The following XKR9 variants were observed in gnomAD, a reference collection of about 807,000 sequenced individuals.
The protein encoded by XKR9 is XK related 9.
XKR9 carries 32 observed loss-of-function variants against 32.0 expected under a neutral mutation model. The observed-to-expected ratio is 1.00, with a 90% CI of 0.76 to 1.34. The LOEUF (loss-of-function observed/expected upper bound fraction) is 1.34. Ranked by LOEUF, XKR9 falls within the 40% of genes most tolerant of loss-of-function variation. XKR9 has a pLI of 0.00. For synonymous variants in XKR9, 168 were observed against 143.4 expected, an observed-to-expected ratio of 1.17 and a Z score of -1.22; for missense variants, 546 against 429.7, an observed-to-expected ratio of 1.27 and a Z score of -2.39.
At chr8:71,054,564 A>G in the XKR9 span, among the ~76,000 whole-genome samples, 1 of 152,172 alleles carries the variant, frequency 6.6e-6, no homozygotes. Flanking sequence ...AAGCTTGTCA[A>G]TGCCCCCAGA....
At chr8:70,861,336 A>G in the XKR9 span, among the ~76,000 whole-genome samples, 8 of 152,210 alleles carry the variant, frequency 5.3e-5, no homozygotes, top group East Asian at 1.5e-3. Flanking sequence ...AATGGAGATT[A>G]TAATAAAATC....
chr8:71,043,295 A>G, the XKR9 span, among the ~76,000 whole-genome samples: 4 of 152,232 alleles, frequency 2.6e-5, no homozygotes, highest in South Asian at 4.1e-4. Flanking sequence ...TCCAAGGTTT[A>G]TCAGTACCAG....
At chr8:70,683,134 T>G (rs1479482155) in intron 3 of XKR9, among the ~76,000 whole-genome samples, 1 of 152,190 alleles carries the variant, frequency 6.6e-6, no homozygotes, top group Non-Finnish European at 1.5e-5. Flanking sequence ...TAGTTTCTCT[T>G]AATTGCTTTG....
chr8:70,979,685 G>T, the XKR9 span, among the ~76,000 whole-genome samples: 3 of 152,328 alleles, frequency 2.0e-5, no homozygotes, highest in South Asian at 6.2e-4. Context: ...CTACTGGGAG[G>T]TGTCTCCAAG....
At chr8:70,915,982 A>G in the XKR9 span, among the ~76,000 whole-genome samples, 1 of 152,180 alleles carries the variant, frequency 6.6e-6, no homozygotes, top group African/African-American at 2.4e-5. Flanking sequence ...TACCTGAGCT[A>G]TTTTCATTTG....
chr8:70,755,722 A>C (rs1807213074), intron 2 of XKR9, among the ~76,000 whole-genome samples: 2 of 136,004 alleles, frequency 1.5e-5, no homozygotes, highest in Admixed American at 1.5e-4. Flanking sequence ...GAACCCATGG[A>C]CACGGGAAGG....
chr8:71,051,545 G>A, the XKR9 span, among the ~76,000 whole-genome samples: 1 of 152,124 alleles, frequency 6.6e-6, no homozygotes. Flanking sequence ...GTGTGTGTGT[G>A]TGTGTGTGTA....
chr8:70,874,282 C>A, the XKR9 span, among the ~76,000 whole-genome samples: 5 of 151,928 alleles, frequency 3.3e-5, no homozygotes, highest in Admixed American at 2.0e-4. Context: ...CAGTAAATAA[C>A]GTATGAAGGT....
At chr8:70,718,841 G>T (rs765830908) in intron 4 of XKR9, among the ~76,000 whole-genome samples, 6 of 152,116 alleles carry the variant, frequency 3.9e-5, no homozygotes, top group Non-Finnish European at 5.9e-5. Flanking sequence ...ACCCAGTAAT[G>T]GGATTGCTGG....
At chr8:71,057,504 T>C in the XKR9 span, among the ~76,000 whole-genome samples, 1 of 152,222 alleles carries the variant, frequency 6.6e-6, no homozygotes, top group Non-Finnish European at 1.5e-5. Context: ...TACTTTGTTT[T>C]TTCAGGAAAA....
chr8:70,700,715 C>A (rs1386249916), intron 3 of XKR9, among the ~76,000 whole-genome samples: 1 of 152,208 alleles, frequency 6.6e-6, no homozygotes, highest in African/African-American at 2.4e-5. Context: ...CTCTTCAAAG[C>A]TGTCAGACAG....
the XKR9 span, among the ~76,000 whole-genome samples, chr8:71,003,283 C>T: frequency 6.8e-6 from 1 of 146,642 alleles, no homozygotes; most frequent in South Asian, 2.1e-4. Context: ...GCTTCAAAGG[C>T]AAATACTTGC....
chr8:70,795,878 G>A, the XKR9 span, among the ~76,000 whole-genome samples: 20 of 151,908 alleles, frequency 1.3e-4, no homozygotes, highest in Non-Finnish European at 1.8e-4. Context: ...ATAGATGCTG[G>A]ATGCATAATT....
chr8:70,779,239 G>T (rs1200504975), intron 2 of XKR9, among the ~76,000 whole-genome samples: 1 of 152,154 alleles, frequency 6.6e-6, no homozygotes, highest in South Asian at 2.1e-4. Context: ...TTCTGTTTAT[G>T]TGATGGATTA....
At chr8:70,804,019 G>A in the XKR9 span, among the ~76,000 whole-genome samples, 1 of 152,232 alleles carries the variant, frequency 6.6e-6, no homozygotes, top group Non-Finnish European at 1.5e-5. Flanking sequence ...TCTTTGAGTT[G>A]CCATAGAAGC....
chr8:70,894,055 C>T, the XKR9 span, among the ~76,000 whole-genome samples: 22 of 151,836 alleles, frequency 1.4e-4, no homozygotes, highest in African/African-American at 5.1e-4. Flanking sequence ...ATAGCACTTG[C>T]CTGATTCTGA....
At chr8:70,726,983 T>C (rs550779304) in intron 4 of XKR9, among the ~76,000 whole-genome samples, 1 of 148,852 alleles carries the variant, frequency 6.7e-6, no homozygotes, top group Admixed American at 6.7e-5. Flanking sequence ...TTCTTTTTGT[T>C]TCCTTAAAAA....
chr8:70,829,471 C>T, the XKR9 span, among the ~76,000 whole-genome samples: 2 of 152,148 alleles, frequency 1.3e-5, no homozygotes, highest in African/African-American at 2.4e-5. Flanking sequence ...TTTGTTGAGA[C>T]GGAGTCTCGC....
At chr8:70,726,082 T>A (rs1806459793) in intron 4 of XKR9, among the ~76,000 whole-genome samples, 1 of 152,186 alleles carries the variant, frequency 6.6e-6, no homozygotes, top group Non-Finnish European at 1.5e-5. Flanking sequence ...AAGGTAGCAG[T>A]TTGGAAAGTG....
Sources: allele counts gnomAD v4.1 joint callset (sites outside exome capture counted in the v4.1 genomes callset), GRCh38; gene constraint gnomAD v4.1.1; transcripts MANE v1.5; gene names NCBI Gene and HGNC (gene_info 2026-07-23, HGNC 2026-07-21).